The following NFKBIB variants were observed in gnomAD, a reference collection of about 807,000 sequenced individuals.
NFKBIB encodes NF-kappa-B inhibitor beta.
In NFKBIB, 16 loss-of-function variants were observed where a neutral mutation model predicts 32.1. The ratio of observed to expected loss-of-function variants is 0.50; its 90% CI spans 0.34 to 0.76. NFKBIB has a LOEUF of 0.76. Ranked by LOEUF, NFKBIB falls within the 30% of genes least tolerant of loss-of-function variation. NFKBIB has a pLI of 0.01. For synonymous variants in NFKBIB, 222 were observed against 219.5 expected, an observed-to-expected ratio of 1.01 and a Z score of -0.10; for missense variants, 437 against 514.9, an observed-to-expected ratio of 0.85 and a Z score of 1.46.
chr19:38,902,362 G>C (rs578007700), intron 1 of NFKBIB, among the ~76,000 whole-genome samples: 1 of 151,874 alleles, frequency 6.6e-6, no homozygotes, highest in Non-Finnish European at 1.5e-5. Context: ...GAGCCACCGC[G>C]CCCGGCCTCA....
Position 38,905,417 on chromosome 19 carries a change from C to A in NFKBIB, c.501C>A (p.Asp167Glu). The stretch of plus-strand genomic sequence containing the variant: ...ACACCTACCTCGCTCAGGGCCCTGA[C>A]CGTACTCCCGACACCAACCATACCC... Reference protein sequence around the residue: ...APDTYLAQGPDRTPDTNHTPV... With the variant: ...APDTYLAQGPERTPDTNHTPV... The change falls in exon 3 of 6, where the codon GAC becomes GAA. Residue 167 changes from aspartate to glutamate, a missense_variant. Transcript: ENST00000313582. This position sits in a 1 kb window ranked among gnomAD's most constrained non-coding sequence, Gnocchi z 5.5. 2.5e-6 allele frequency: 4 copies of A among 1,613,822 alleles called. No homozygotes were observed. The highest frequency in any genetic ancestry group is 3.4e-6 in the Non-Finnish European group (4 of 1,179,890).
Position 38,900,148 on chromosome 19 carries a change from A to G in NFKBIB, c.116A>G (p.Glu39Gly). 1.9e-6 allele frequency: 3 copies of G among 1,598,814 alleles called. No individual in the cohort carries two copies. The highest frequency in any genetic ancestry group is 2.6e-6 in the Non-Finnish European group (3 of 1,175,060). Residue 39 changes from glutamate (E) to glycine (G), a missense_variant, in exon 1 of 6, where the codon GAG becomes GGG. Physicochemically the swap from Glu to Gly is moderately conservative, Grantham distance 98 (BLOSUM62 -2). Transcript: ENST00000313582. ...AAPGGPGLGAELGPGLSWAPL... is the reference protein window; with the variant it reads ...AAPGGPGLGAGLGPGLSWAPL... ...CCCGGAGGACCTGGGTTGGGCGCGGAGTTGGGCCCGGGGCTGTCGTGGGCT... is the reference window on the plus strand; with the variant it reads ...CCCGGAGGACCTGGGTTGGGCGCGGGGTTGGGCCCGGGGCTGTCGTGGGCT...
At chr19:38,904,108 T>G (rs1974044588) in intron 1 of NFKBIB, among the ~76,000 whole-genome samples, 1 of 91,152 alleles carries the variant, frequency 1.1e-5, no homozygotes, top group Admixed American at 1.3e-4. Context: ...AATAAATAAA[T>G]AAATAAATAT....
intron 5 of NFKBIB, chr19:38,908,224 T>G (rs1052189689): frequency 2.0e-6 from 2 of 992,544 alleles, no homozygotes; most frequent in African/African-American, 1.7e-5. Flanking sequence ...TGGCTAGAAA[T>G]TGGTCTGTAG....
chr19:38,900,506 G>T (rs1600140264), intron 1 of NFKBIB, among the ~76,000 whole-genome samples: 1 of 152,288 alleles, frequency 6.6e-6, no homozygotes, highest in African/African-American at 2.4e-5. Flanking sequence ...ACTTCTGTTA[G>T]AACTGTGGCT....
intron 1 of NFKBIB, among the ~76,000 whole-genome samples, chr19:38,901,231 A>G (rs954054787): frequency 7.6e-6 from 1 of 131,440 alleles, no homozygotes; most frequent in Non-Finnish European, 1.5e-5. Context: ...GTTAATTTTC[A>G]TTAAATTTCA....
At chr19:38,906,547 G>C (rs898101849) in intron 3 of NFKBIB, among the ~76,000 whole-genome samples, 1 of 139,210 alleles carries the variant, frequency 7.2e-6, no homozygotes, top group Non-Finnish European at 1.5e-5. Flanking sequence ...TCAGCTCACT[G>C]CAAGCTCCGC....
At chr19:38,903,569 T>C (rs993539611) in intron 1 of NFKBIB, among the ~76,000 whole-genome samples, 1 of 152,088 alleles carries the variant, frequency 6.6e-6, no homozygotes, top group African/African-American at 2.4e-5. Flanking sequence ...ATTACAGGTG[T>C]GGGCCACCGT....
chr19:38,908,009 T>G, intron 5 of NFKBIB: 1 of 1,132,530 alleles, frequency 8.8e-7, no homozygotes, highest in South Asian at 2.9e-5. Flanking sequence ...AAGAAAACCT[T>G]GGGTGGCAGT....
chr19:38,908,093 A>G (rs1600152088), intron 5 of NFKBIB: 2 of 1,029,792 alleles, frequency 1.9e-6, no homozygotes, highest in African/African-American at 1.7e-5. Flanking sequence ...GAACCCAGCA[A>G]TACAGATCCG....
At chr19:38,904,490 T>C (rs1974054346) in intron 1 of NFKBIB, among the ~76,000 whole-genome samples, 1 of 152,060 alleles carries the variant, frequency 6.6e-6, no homozygotes, top group African/African-American at 2.4e-5. Context: ...TGTTTTGTAC[T>C]CTGTCCTGTG....
rs769376621 is a variant in NFKBIB at position 38,905,445 on chromosome 19, G to T, written c.529G>T (p.Val177Phe). ...TACTCCCGACACCAACCATACCCCT[G>T]TCGCCTTGTACCCCGATTCCGACTT... is the stretch of plus-strand genomic sequence containing the variant. ...DRTPDTNHTPVALYPDSDLEK... is the reference protein window; with the variant it reads ...DRTPDTNHTPFALYPDSDLEK... Residue 177 changes from valine (V) to phenylalanine (F), a missense_variant, in exon 3 of 6, where the codon GTC becomes TTC. Transcript: ENST00000313582. This position sits in a 1 kb window ranked among gnomAD's most constrained non-coding sequence, Gnocchi z 5.5. 3.1e-6 allele frequency: 5 copies of T among 1,614,036 alleles called. No individual in the cohort carries two copies. In the South Asian group the frequency reaches 5.5e-5, roughly 18 times the overall value.
chr19:38,900,221 C>A lies in NFKBIB; in HGVS notation c.179+10C>A. ...CTGAGGATGGGGACACGTGAGTGAA[C>A]CTTAGGCTGCCAAACGGAGCCCTAG... On this transcript the variant is annotated intron_variant, in intron 1 of 5. Coordinates refer to ENST00000313582, the MANE Select transcript of NFKBIB (RefSeq NM_002503.5). The A allele has an allele frequency of 6.3e-7, 1 of 1,586,192 alleles. No homozygotes were observed. Among genetic ancestry groups the A allele is most frequent in the Non-Finnish European group, 8.5e-7 (1 of 1,170,270 alleles).
At chr19:38,904,084 AAAATAAATAAAT>A (rs58249749) in intron 1 of NFKBIB, among the ~76,000 whole-genome samples, 93,314 of 151,050 alleles carry the variant, frequency 0.62, 29,562 homozygotes, top group East Asian at 0.96. Flanking sequence ...AATAAAAATT[AAAATAAATAAAT>A]AAATAAATAA....
intron 1 of NFKBIB, among the ~76,000 whole-genome samples, chr19:38,901,335 G>A (rs866211663): frequency 2.0e-5 from 3 of 150,074 alleles, no homozygotes; most frequent in Non-Finnish European, 3.0e-5. Context: ...TCACTCTGTC[G>A]CCCAGGCTGG....
intron 1 of NFKBIB, among the ~76,000 whole-genome samples, chr19:38,901,818 C>T (rs953053800): frequency 1.1e-4 from 17 of 152,030 alleles, no homozygotes; most frequent in African/African-American, 3.9e-4. Flanking sequence ...TGAGCTCAAG[C>T]ATTCTTCCCA....
intron 5 of NFKBIB, chr19:38,908,000 A>G: frequency 8.6e-7 from 1 of 1,156,266 alleles, no homozygotes; most frequent in Non-Finnish European, 1.1e-6. Flanking sequence ...CACTGCGAAA[A>G]GAAAACCTTG....
chr19:38,899,700 C>T (rs963795900), upstream of NFKBIB: 1 of 911,330 alleles, frequency 1.1e-6, no homozygotes, highest in African/African-American at 1.6e-5. Context: ...ATTGCGGCCG[C>T]AGACGCGCTT....
rs775602280 is a variant in NFKBIB at position 38,905,488 on chromosome 19, A to G, written c.572A>G (p.Glu191Gly). 6.8e-6 allele frequency: 11 copies of G among 1,613,436 alleles called. No homozygotes were observed. The highest frequency in any genetic ancestry group is 9.3e-6 in the Non-Finnish European group (11 of 1,179,670). Residue 191 changes from glutamate to glycine, a missense_variant, in exon 3 of 6, where the codon GAG becomes GGG. Glu to Gly is a moderately conservative substitution (Grantham distance 98). Coordinates refer to ENST00000313582, the MANE Select transcript of NFKBIB (RefSeq NM_002503.5). This position sits in a 1 kb window ranked among gnomAD's most constrained non-coding sequence, Gnocchi z 5.5. ...TCCGACTTGGAGAAGGAAGAAGAGG[A>G]GAGTGAGGAGGACTGGAAGCTGCAG... ...PDSDLEKEEEESEEDWKLQLE... is the reference protein window; with the variant it reads ...PDSDLEKEEEGSEEDWKLQLE...
Sources: allele counts gnomAD v4.1 joint callset (sites outside exome capture counted in the v4.1 genomes callset), GRCh38; gene constraint gnomAD v4.1.1; non-coding constraint Gnocchi (gnomAD v3.1); transcripts MANE v1.5; gene names NCBI Gene and HGNC (gene_info 2026-07-23, HGNC 2026-07-21).